TMEM132B: variants seen among roughly 807,000 people sequenced by gnomAD.
TMEM132B encodes the protein transmembrane protein 132B.
A neutral mutation model predicts 90.8 loss-of-function variants in TMEM132B; 18 were observed. That is an observed-to-expected ratio of 0.20 (90% CI 0.14 to 0.29). The LOEUF is 0.29. Among genes scored for constraint, TMEM132B ranks in the 10% least tolerant of loss-of-function variants. The pLI is 1.00. For synonymous variants in TMEM132B, 504 were observed against 523.3 expected, an observed-to-expected ratio of 0.96 and a Z score of 0.50; for missense variants, 1,096 against 1,326.8, an observed-to-expected ratio of 0.83 and a Z score of 2.70.
intron 3 of TMEM132B, among the ~76,000 whole-genome samples, chr12:125,457,124 A>G (rs1242201504): frequency 2.6e-5 from 4 of 152,076 alleles, no homozygotes; most frequent in Non-Finnish European, 5.9e-5. Flanking sequence ...GGGGCTGTTT[A>G]TTCACTCGCT....
At chr12:125,198,728 A>G (rs929464452) in intron 1 of TMEM132B, among the ~76,000 whole-genome samples, 1 of 152,218 alleles carries the variant, frequency 6.6e-6, no homozygotes, top group African/African-American at 2.4e-5. Context: ...AAGAAAAACT[A>G]CTACTGCAGA....
At chr12:125,302,722 G>A (rs1464522483) in intron 1 of TMEM132B, among the ~76,000 whole-genome samples, 1 of 152,094 alleles carries the variant, frequency 6.6e-6, no homozygotes, top group Non-Finnish European at 1.5e-5. Context: ...TAATTCAGTA[G>A]CATTAATTGC....
intron 5 of TMEM132B, among the ~76,000 whole-genome samples, chr12:125,608,932 TAAAGA>T (rs566896318): frequency 1.6e-3 from 237 of 152,238 alleles, no homozygotes; most frequent in African/African-American, 5.6e-3. Context: ...GGGTAATTTA[TAAAGA>T]AAAGATATTT....
At chr12:125,187,445 A>G (rs566784855) in intron 1 of TMEM132B, among the ~76,000 whole-genome samples, 1 of 152,284 alleles carries the variant, frequency 6.6e-6, no homozygotes, top group Admixed American at 6.5e-5. Context: ...CTCTTGGCCA[A>G]AGAGCAGCCC....
chr12:125,228,033 TC>T (rs1873720712), intron 1 of TMEM132B, among the ~76,000 whole-genome samples: 1 of 152,232 alleles, frequency 6.6e-6, no homozygotes, highest in African/African-American at 2.4e-5. Context: ...ACACGATGCT[TC>T]CTGGAATCAT....
intron 1 of TMEM132B, among the ~76,000 whole-genome samples, chr12:125,201,687 T>C (rs1446514451): frequency 6.6e-6 from 1 of 152,210 alleles, no homozygotes; most frequent in Non-Finnish European, 1.5e-5. Flanking sequence ...TGCCATAGCA[T>C]TTTCATCTGT....
intron 5 of TMEM132B, among the ~76,000 whole-genome samples, chr12:125,612,853 A>T (rs1463776291): frequency 7.6e-6 from 1 of 131,424 alleles, no homozygotes; most frequent in African/African-American, 3.0e-5. Context: ...ATATATATTT[A>T]TATATTATAT....
intron 3 of TMEM132B, among the ~76,000 whole-genome samples, chr12:125,470,580 A>T (rs1338782942): frequency 6.6e-6 from 1 of 152,158 alleles, no homozygotes; most frequent in Admixed American, 6.5e-5. Flanking sequence ...CTTTCCACTA[A>T]ACCCAGTTTC....
intron 3 of TMEM132B, among the ~76,000 whole-genome samples, chr12:125,436,321 T>C (rs5015408): frequency 0.2 from 31,008 of 152,072 alleles, 3,906 homozygotes; most frequent in African/African-American, 0.36. Context: ...TCAGTCCATC[T>C]CAGCCTCACT....
At chr12:125,295,679 G>A (rs190252773) in intron 1 of TMEM132B, among the ~76,000 whole-genome samples, 25 of 152,238 alleles carry the variant, frequency 1.6e-4, no homozygotes, top group Middle Eastern at 3.4e-3. Context: ...CACAGATGTT[G>A]CCCAAAGCGT....
chr12:125,213,392 A>G lies in TMEM132B; in HGVS notation c.67+26526A>G, dbSNP rs1873365634. Among the ~76,000 whole-genome samples, 1 of 152,222 alleles carries G rather than the reference A, an allele frequency of 6.6e-6. No individual in the cohort carries two copies. Among genetic ancestry groups the G allele is most frequent in the South Asian group, 2.1e-4 (1 of 4,826 alleles). On this transcript the variant is annotated intron_variant, in intron 1 of 8. Coordinates refer to ENST00000682704, the MANE Select transcript of TMEM132B (RefSeq NM_001366854.1). This position sits in a 1 kb window ranked among gnomAD's most constrained non-coding sequence, Gnocchi z 4.2. ...ATAGCACTGCTGAGAACATTTGTGT[A>G]CAAGTATTTGTTTGAGCACCTGTTT...
rs1279995641 is a variant in TMEM132B, at chr12:125,209,915, C to T, written c.67+23049C>T. Among the ~76,000 whole-genome samples the T allele has an allele frequency of 2.6e-5, 4 of 152,258 alleles. No individual in the cohort carries two copies. Among genetic ancestry groups the T allele is most frequent in the Middle Eastern group, 3.4e-3 (1 of 294 alleles). ...CTTCCTCGCCTTGTCCTGTGAGTCT[C>T]GTAGGTGCCTGCTCATTCGCTTGGT... On this transcript the variant is annotated intron_variant, in intron 1 of 8. Transcript: ENST00000682704. The surrounding 1 kb of genome is among the most constrained non-coding windows in gnomAD (Gnocchi z 4.4).
chr12:125,477,142 G>A (rs1881903492), intron 3 of TMEM132B, among the ~76,000 whole-genome samples: 1 of 152,134 alleles, frequency 6.6e-6, no homozygotes, highest in Non-Finnish European at 1.5e-5. Flanking sequence ...CCATGCAAAT[G>A]ATAATTTATG....
intron 5 of TMEM132B, among the ~76,000 whole-genome samples, chr12:125,638,603 AT>A (rs529463500): frequency 0.037 from 5,469 of 148,010 alleles, 145 homozygotes; most frequent in Middle Eastern, 0.063. Flanking sequence ...ATTCTGTAGC[AT>A]TTTTTTTTTC....
intron 3 of TMEM132B, among the ~76,000 whole-genome samples, chr12:125,437,458 A>G (rs1402486758): frequency 6.6e-6 from 1 of 152,186 alleles, no homozygotes; most frequent in African/African-American, 2.4e-5. Flanking sequence ...CTAGCAGTGG[A>G]ATTGCTGGTT....
intron 2 of TMEM132B, among the ~76,000 whole-genome samples, chr12:125,399,588 T>C (rs146493895): frequency 2.4e-4 from 36 of 150,544 alleles, no homozygotes; most frequent in African/African-American, 8.2e-4. Context: ...GAACCCACCC[T>C]ACCAACACCT....
chr12:125,186,687 G>T lies in TMEM132B; in HGVS notation c.-113G>T, dbSNP rs1957762247. ...TGGGGAGGAGCGGCGCGCTGGGAGC[G>T]AGCCATGCCCGGCGCCCGGGCGTAG... On this transcript the variant is annotated 5_prime_UTR_variant, in exon 1 of 9. Coordinates refer to ENST00000682704, the MANE Select transcript of TMEM132B (RefSeq NM_001366854.1). This position sits in a 1 kb window ranked among gnomAD's most constrained non-coding sequence, Gnocchi z 6.3. 1 of 146,556 alleles carries T rather than the reference G, an allele frequency of 6.8e-6. No homozygotes were observed. Among genetic ancestry groups the T allele is most frequent in the Admixed American group, 6.8e-5 (1 of 14,760 alleles). The allele number at this position is 146,556 out of a possible 1,614,324, so 9.1% of individuals were successfully genotyped here. A position where few individuals can be genotyped will look rare whatever the true frequency, so the allele number is the denominator to read the frequency against.
At chr12:125,397,220 C>A (rs991035790) in intron 2 of TMEM132B, among the ~76,000 whole-genome samples, 3 of 152,170 alleles carry the variant, frequency 2.0e-5, no homozygotes, top group Admixed American at 2.0e-4. Context: ...ATCCTCCCGC[C>A]TCAGCCTCCA....
intron 1 of TMEM132B, among the ~76,000 whole-genome samples, chr12:125,319,101 C>A (rs1397678511): frequency 1.3e-5 from 2 of 152,118 alleles, no homozygotes; most frequent in African/African-American, 2.4e-5. Context: ...TCCTGGTGAA[C>A]CTTGGATAAG....
Sources: gnomAD v4.1 joint callset for allele counts (sites outside exome capture counted in the v4.1 genomes callset) on GRCh38, gnomAD v4.1.1 for gene constraint, Gnocchi (gnomAD v3.1) non-coding constraint, MANE v1.5 for transcripts, NCBI Gene and HGNC (gene_info 2026-07-23, HGNC 2026-07-21) for gene names.